Variants in TOP1MT observed in about 807,000 individuals in gnomAD.
TOP1MT encodes DNA topoisomerase I mitochondrial.
Under a neutral mutation model 73.9 loss-of-function variants are expected in TOP1MT, and 80 were observed. The observed-to-expected ratio is 1.08, with a 90% CI of 0.90 to 1.30. TOP1MT has a LOEUF of 1.30. Among genes scored for constraint, TOP1MT ranks in the 50% most tolerant of loss-of-function variants. The pLI, the probability that TOP1MT is intolerant of heterozygous loss-of-function variation, is 0.00. For missense variants in TOP1MT, 815 were observed against 808.0 expected, an observed-to-expected ratio of 1.01 and a Z score of -0.10; for synonymous variants, 338 against 326.4, an observed-to-expected ratio of 1.04 and a Z score of -0.38.
chr8:143,321,369 T>G lies in TOP1MT; in HGVS notation c.978A>C (p.Gly326=). The G allele has an allele frequency of 6.3e-7, 1 of 1,589,682 alleles. No homozygotes were observed. The highest frequency in any genetic ancestry group is 8.6e-7 in the Non-Finnish European group (1 of 1,162,424). ...CCGCCTCACCGTCCTCCTTCTCATT[T>G]CCTGCTCTCAGTGCCAGCTAGTTGG... is the stretch of plus-strand genomic sequence containing the variant. ...YFIDKLALRA[G]NEKEDGEAAD... is the part of the protein sequence containing the mutation. Residue 326 remains glycine (G), a synonymous_variant, in exon 8 of 14, where the codon GGA becomes GGC. Transcript: ENST00000329245.
intron 7 of TOP1MT, among the ~76,000 whole-genome samples, chr8:143,323,138 CCA>C (rs1339566858): frequency 1.5e-4 from 15 of 101,724 alleles, no homozygotes; most frequent in South Asian, 3.4e-4. Flanking sequence ...CACAGGCACA[CCA>C]CACACAGGCA....
chr8:143,350,492 T>C (rs1169945566), intron 1 of TOP1MT, among the ~76,000 whole-genome samples: 1 of 151,988 alleles, frequency 6.6e-6, no homozygotes, highest in Non-Finnish European at 1.5e-5. Context: ...CCACCATGCC[T>C]GGCTAATTTT....
upstream of TOP1MT, among the ~76,000 whole-genome samples, chr8:143,337,835 G>A (rs891744895): frequency 3.3e-5 from 5 of 152,132 alleles, no homozygotes; most frequent in African/African-American, 7.2e-5. Flanking sequence ...GTTAAAGATC[G>A]GCCCGGACCT....
rs773123984 is a variant in TOP1MT, at chr8:143,334,872, C to A, written c.-11G>T. The A allele has an allele frequency of 1.4e-6, 2 of 1,470,238 alleles. No individual in the cohort carries two copies. Among genetic ancestry groups the A allele is most frequent in the Non-Finnish European group, 1.8e-6 (2 of 1,120,544 alleles). 91.1% of individuals were successfully genotyped at this position (1,470,238 alleles called of 1,614,324 possible). ...CCGCACCACGCGCATCTGCCAGCCTCCGGGAAAGAGCGACAAGCTGGGCCC... is the reference window on the plus strand; with the variant it reads ...CCGCACCACGCGCATCTGCCAGCCTACGGGAAAGAGCGACAAGCTGGGCCC... On this transcript the variant is annotated 5_prime_UTR_variant, in exon 1 of 14. Transcript: ENST00000329245.
At chr8:143,328,095 T>C (rs1488884253) in intron 3 of TOP1MT, 7 of 383,634 alleles carry the variant, frequency 1.8e-5, no homozygotes, top group Admixed American at 3.5e-5. Flanking sequence ...CCAAAGACAT[T>C]GTTAAGAGAA....
At chr8:143,342,329 T>TCTGTCACCCAGGCTGGAGTGCA in intron 2 of TOP1MT, among the ~76,000 whole-genome samples, 1 of 139,918 alleles carries the variant, frequency 7.1e-6, no homozygotes, top group Non-Finnish European at 1.5e-5. Flanking sequence ...AGAGTCTCGC[T>TCTGTCACCCAGGCTGGAGTGCA]GTTATTATTA....
intron 1 of TOP1MT, chr8:143,332,490 C>A (rs1274355553): frequency 3.9e-6 from 5 of 1,289,096 alleles, no homozygotes; most frequent in Non-Finnish European, 5.1e-6. Flanking sequence ...CCCCCACCTG[C>A]CAGAGCCAGG....
chr8:143,309,893 G>T (rs1343896494), intron 13 of TOP1MT, 175 bp downstream of exon 13: 1 of 1,565,144 alleles, frequency 6.4e-7, no homozygotes. Flanking sequence ...AACGTTCAGG[G>T]CAGGGAGAGC....
In TOP1MT at chr8:143,354,827, G is replaced by C. The variant is rs28460765; in HGVS notation, c.-39+1138C>G. Among the ~76,000 whole-genome samples, 1,179 of 152,222 alleles carry C rather than the reference G, an allele frequency of 7.7e-3. 11 individuals carry two copies. Among genetic ancestry groups the C allele is most frequent in the Non-Finnish European group, 0.013 (857 of 68,016 alleles). ...ACCAGAACAGGTCCAGAGCAAGTCC[G>C]GGGCTGCTGCATGGTCAGACCACAC... On this transcript the variant is annotated intron_variant, in intron 1 of 5. Transcript: ENST00000518760.
In TOP1MT at chr8:143,334,765, T is replaced by C; in HGVS notation, c.97A>G (p.Arg33Gly). The C allele has an allele frequency of 6.3e-7, 1 of 1,596,472 alleles. No homozygotes were observed. The highest frequency in any genetic ancestry group is 1.4e-5 in the African/African-American group (1 of 72,026). Residue 33 changes from arginine to glycine, a missense_variant, in exon 1 of 14, where the codon AGG becomes GGG. By Grantham distance (125) the Arg-to-Gly change is moderately radical. Transcript: ENST00000329245. ...CTGGCTCCACTGCCCTTCTGCGTCC[T>C]GCGCGAGCCCGGGACACCCCGGGAG... is the stretch of plus-strand genomic sequence containing the variant. ...PASRGVPGSRRTQKGSGARWE... is the reference protein window; with the variant it reads ...PASRGVPGSRGTQKGSGARWE...
At chr8:143,337,169 G>A (rs1268918292), upstream of TOP1MT, among the ~76,000 whole-genome samples, 1 of 152,192 alleles carries the variant, frequency 6.6e-6, no homozygotes, top group Non-Finnish European at 1.5e-5. Context: ...GCTCACGCCT[G>A]TAATCCCAGC....
At chr8:143,322,565 A>AT (rs1563759567) in intron 7 of TOP1MT, among the ~76,000 whole-genome samples, 2 of 120,992 alleles carry the variant, frequency 1.7e-5, no homozygotes, top group Non-Finnish European at 3.3e-5. Context: ...CGCCACACAC[A>AT]GACACGCCAC....
At position 143,334,729 on chromosome 8, in the gene TOP1MT, G is replaced by A; in HGVS notation, c.122+11C>T. 6.2e-7 allele frequency: 1 copy of A among 1,600,244 alleles called. No homozygotes were observed. Among genetic ancestry groups the A allele is most frequent in the Non-Finnish European group, 8.5e-7 (1 of 1,174,418 alleles). Reference sequence around the variant, plus strand: ...CAGGGCCCTCGCCGCCTGCTCACTGGGACACCTTACCTGGCTCCACTGCCC... The same window carrying A: ...CAGGGCCCTCGCCGCCTGCTCACTGAGACACCTTACCTGGCTCCACTGCCC... On this transcript the variant is annotated intron_variant, in intron 1 of 13. Transcript: ENST00000329245.
At position 143,321,531 on chromosome 8, in the gene TOP1MT, ACACACACGCACGC is replaced by A. The variant is rs1459125611; in HGVS notation, c.961-158_961-146del. On this transcript the variant is annotated intron_variant, in intron 7 of 13. Transcript: ENST00000329245. ...CACACGCACTCCACACACGCACGCC[ACACACACGCACGC>A]CACACACGCACGCCACACACACGCA... The A allele has an allele frequency of 2.7e-3, 1,441 of 531,364 alleles. 49 individuals carry two copies. The African/African-American group carries it at 0.046, about 17-fold the overall frequency. 32.9% of individuals were successfully genotyped at this position (531,364 alleles called of 1,614,324 possible).
At chr8:143,327,968 T>C (rs1169324384) in intron 3 of TOP1MT, among the ~76,000 whole-genome samples, 3 of 152,036 alleles carry the variant, frequency 2.0e-5, no homozygotes, top group Non-Finnish European at 2.9e-5. Context: ...AGGAAAAACA[T>C]AGGAGGAAAT....
In TOP1MT at chr8:143,309,482, C is replaced by T. The variant is rs374238650; in HGVS notation, c.1765G>A (p.Ala589Thr). The T allele has an allele frequency of 1.1e-5, 17 of 1,613,870 alleles. No individual in the cohort carries two copies. The highest frequency in any genetic ancestry group is 4.5e-5 in the East Asian group (2 of 44,898). Reference protein sequence around the residue: ...IYSKTQRERFAWALAMAGEDF... With the variant: ...IYSKTQRERFTWALAMAGEDF... ...TCTCCTGCCATGGCGAGAGCCCAGG[C>T]GAACCTCTCCCGCTGTGTTTTGCTG... Residue 589 changes from alanine (A) to threonine (T), a missense_variant, in exon 14 of 14, where the codon GCC becomes ACC. Transcript: ENST00000329245.
chr8:143,338,827 A>T (rs902990625), upstream of TOP1MT, among the ~76,000 whole-genome samples: 6 of 152,124 alleles, frequency 3.9e-5, no homozygotes, highest in African/African-American at 1.4e-4. Flanking sequence ...TGCAGACCAG[A>T]AGGGGTTTCT....
chr8:143,348,194 C>T (rs949786270), upstream of TOP1MT, among the ~76,000 whole-genome samples: 2 of 152,214 alleles, frequency 1.3e-5, no homozygotes, highest in Non-Finnish European at 2.9e-5. This position sits in a 1 kb window ranked among gnomAD's most constrained non-coding sequence, Gnocchi z 4.6. Flanking sequence ...GATACTCCCA[C>T]CAGCTCCCTG....
intron 12 of TOP1MT, among the ~76,000 whole-genome samples, chr8:143,313,834 G>A (rs1245414563): frequency 4.7e-5 from 7 of 149,796 alleles, no homozygotes; most frequent in South Asian, 4.2e-4. Context: ...CAGCCTTGGC[G>A]ACAGAGCAAT....
Sources: allele counts gnomAD v4.1 joint callset (sites outside exome capture counted in the v4.1 genomes callset), GRCh38; gene constraint gnomAD v4.1.1; non-coding constraint Gnocchi (gnomAD v3.1); transcripts MANE v1.5; gene names NCBI Gene and HGNC (gene_info 2026-07-23, HGNC 2026-07-21).